The following MACROD2 variants were observed in gnomAD, a reference collection of about 807,000 sequenced individuals.
MACROD2 encodes ADP-ribose glycohydrolase MACROD2.
Under a neutral mutation model 70.4 loss-of-function variants are expected in MACROD2, and 36 were observed. The observed-to-expected ratio is 0.51, with a 90% confidence interval of 0.39 to 0.68. MACROD2 has a LOEUF of 0.68. MACROD2 is among the 30% of genes least tolerant of loss of function. The pLI, the probability that MACROD2 is intolerant of heterozygous loss-of-function variation, is 0.00. For missense variants in MACROD2, 496 were observed against 538.4 expected, an observed-to-expected ratio of 0.92 and a Z score of 0.78; for synonymous variants, 172 against 178.8, an observed-to-expected ratio of 0.96 and a Z score of 0.30.
At chr20:15,394,848 A>T (rs535687927) in intron 6 of MACROD2, among the ~76,000 whole-genome samples, 2 of 152,286 alleles carry the variant, frequency 1.3e-5, no homozygotes, top group Admixed American at 1.3e-4. Context: ...TGGCTCAGTG[A>T]CAGAAACTTG....
intron 5 of MACROD2, among the ~76,000 whole-genome samples, chr20:14,803,345 A>G (rs2072601023): frequency 6.6e-6 from 1 of 152,100 alleles, no homozygotes; most frequent in Admixed American, 6.5e-5. Flanking sequence ...ACTGCAAGGA[A>G]CTTATTGATG....
At chr20:14,361,732 G>A (rs2083223434) in intron 3 of MACROD2, among the ~76,000 whole-genome samples, 1 of 152,110 alleles carries the variant, frequency 6.6e-6, no homozygotes, top group East Asian at 1.9e-4. Flanking sequence ...GACTAGGGAG[G>A]TGTCTAAAAA....
In MACROD2 at chr20:15,795,769, G is replaced by A. The variant is rs186449256; in HGVS notation, c.646-66976G>A. ...CTTTCAAAACTGAGTATAGATAAAA[G>A]GCTCACCAATGCCTGGGCCATCTCT... is the stretch of plus-strand genomic sequence containing the variant. On this transcript the variant is annotated intron_variant, in intron 8 of 17. Coordinates refer to ENST00000684519, the MANE Select transcript of MACROD2 (RefSeq NM_001351661.2). 3.7e-4 allele frequency among the ~76,000 whole-genome samples: 56 copies of A among 152,262 alleles called. No homozygotes were observed. In the East Asian group the frequency reaches 8.7e-3, roughly 24 times the overall value.
At chr20:15,601,885 G>A (rs1373226971) in intron 8 of MACROD2, among the ~76,000 whole-genome samples, 19 of 152,002 alleles carry the variant, frequency 1.2e-4, no homozygotes, top group African/African-American at 3.6e-4. Flanking sequence ...AAAACTAGCC[G>A]GGTGTGTTGG....
At chr20:14,849,446 T>C (rs1379206013) in intron 5 of MACROD2, among the ~76,000 whole-genome samples, 1 of 151,962 alleles carries the variant, frequency 6.6e-6, no homozygotes, top group East Asian at 1.9e-4. Flanking sequence ...CAGTAGGGAG[T>C]GAAGTCTAGG....
At chr20:15,884,113 T>A (rs1601055012) in intron 9 of MACROD2, among the ~76,000 whole-genome samples, 1 of 152,020 alleles carries the variant, frequency 6.6e-6, no homozygotes. Flanking sequence ...TTCTCCAAGA[T>A]CACATGCCCA....
intron 8 of MACROD2, among the ~76,000 whole-genome samples, chr20:15,696,232 G>A (rs928259228): frequency 1.3e-5 from 2 of 152,086 alleles, no homozygotes; most frequent in African/African-American, 4.8e-5. Context: ...TGCCAATTTT[G>A]CTGAGAGTTT....
intron 5 of MACROD2, among the ~76,000 whole-genome samples, chr20:15,031,649 C>T (rs2075275309): frequency 6.6e-6 from 1 of 152,102 alleles, no homozygotes; most frequent in Admixed American, 6.5e-5. Context: ...TAGTTGATTC[C>T]CGCAGCTGTT....
intron 5 of MACROD2, among the ~76,000 whole-genome samples, chr20:15,005,820 G>A (rs1042815578): frequency 6.6e-6 from 1 of 152,074 alleles, no homozygotes; most frequent in Non-Finnish European, 1.5e-5. Flanking sequence ...GCTGCTTGTG[G>A]AACCAGTTTG....
intron 6 of MACROD2, among the ~76,000 whole-genome samples, chr20:15,390,363 A>T (rs1427963918): frequency 6.6e-6 from 1 of 152,044 alleles, no homozygotes; most frequent in Non-Finnish European, 1.5e-5. Context: ...TACATTCACC[A>T]GTTTCATTTT....
chr20:15,743,928 A>T (rs923885696), intron 8 of MACROD2, among the ~76,000 whole-genome samples: 5 of 152,170 alleles, frequency 3.3e-5, no homozygotes, highest in African/African-American at 1.2e-4. Flanking sequence ...TGGTTCAAAA[A>T]GGAATGCCTG....
chr20:15,780,050 A>AC (rs1239456516), intron 8 of MACROD2, among the ~76,000 whole-genome samples: 1 of 148,742 alleles, frequency 6.7e-6, no homozygotes, highest in African/African-American at 2.6e-5. Context: ...TATTAAAAAA[A>AC]ACACACATCT....
intron 8 of MACROD2, among the ~76,000 whole-genome samples, chr20:15,665,461 A>G (rs2049884394): frequency 6.6e-6 from 1 of 152,230 alleles, no homozygotes; most frequent in Admixed American, 6.5e-5. Flanking sequence ...GAGAAACCAC[A>G]GGACTGGCCA....
chr20:15,451,296 A>G (rs1600429435), intron 7 of MACROD2, among the ~76,000 whole-genome samples: 1 of 151,950 alleles, frequency 6.6e-6, no homozygotes, highest in Non-Finnish European at 1.5e-5. Flanking sequence ...TAAGACTTAC[A>G]TCAGAAGTAC....
intron 8 of MACROD2, among the ~76,000 whole-genome samples, chr20:15,516,122 C>T (rs1465200901): frequency 6.6e-6 from 1 of 152,152 alleles, no homozygotes; most frequent in Non-Finnish European, 1.5e-5. Context: ...TAGGTAACTG[C>T]ATTATCCTTT....
At chr20:14,489,862 T>TC (rs1873869650) in intron 3 of MACROD2, among the ~76,000 whole-genome samples, 2 of 48,940 alleles carry the variant, frequency 4.1e-5, no homozygotes, top group African/African-American at 1.4e-4. Context: ...AAATACTTCT[T>TC]TTTTTTTTTT....
chr20:15,421,843 A>G (rs2046232806), intron 6 of MACROD2, among the ~76,000 whole-genome samples: 2 of 152,214 alleles, frequency 1.3e-5, no homozygotes, highest in Admixed American at 1.3e-4. Context: ...ACTGTGTGTC[A>G]GGTGGTGATG....
chr20:14,275,970 G>A (rs2082250923), intron 3 of MACROD2, among the ~76,000 whole-genome samples: 1 of 152,084 alleles, frequency 6.6e-6, no homozygotes, highest in Non-Finnish European at 1.5e-5. Flanking sequence ...TTAAAAGTCA[G>A]GAAACAACAG....
At chr20:14,364,336 A>C (rs2083252537) in intron 3 of MACROD2, among the ~76,000 whole-genome samples, 1 of 152,214 alleles carries the variant, frequency 6.6e-6, no homozygotes, top group South Asian at 2.1e-4. Context: ...CTCATTCTAC[A>C]GTGAGCTGCA....
Sources: gnomAD v4.1 joint callset for allele counts (sites outside exome capture counted in the v4.1 genomes callset) on GRCh38, gnomAD v4.1.1 for gene constraint, MANE v1.5 for transcripts, NCBI Gene and HGNC (gene_info 2026-07-23, HGNC 2026-07-21) for gene names.